XRCC4: variants seen among roughly 807,000 people sequenced by gnomAD.
The protein encoded by XRCC4 is DNA repair protein XRCC4.
XRCC4 carries 28 observed loss-of-function variants against 39.1 expected under a neutral mutation model. That is an observed-to-expected ratio of 0.72 (90% confidence interval 0.53 to 0.98). XRCC4 has a LOEUF of 0.98. Among genes scored for constraint, XRCC4 ranks in the 50% least tolerant of loss-of-function variants. The pLI is 0.00. For synonymous variants in XRCC4, 123 were observed against 126.4 expected (o/e 0.97, Z 0.18); for missense variants, 350 against 376.4 (o/e 0.93, Z 0.58).
intron 3 of XRCC4, 99 bp downstream of exon 3, chr5:83,111,302 A>G (rs1484263615): frequency 4.2e-6 from 4 of 945,686 alleles, no homozygotes; most frequent in Non-Finnish European, 5.8e-6. Flanking sequence ...TTCCCAGAAC[A>G]CCTCAGAAGC....
intron 4 of XRCC4, among the ~76,000 whole-genome samples, chr5:83,198,729 A>G (rs912913125): frequency 6.6e-6 from 1 of 152,178 alleles, no homozygotes; most frequent in African/African-American, 2.4e-5. Flanking sequence ...CAGCATAAGT[A>G]AAAAGTGTGA....
chr5:83,235,915 T>G (rs1752671161), intron 6 of XRCC4, among the ~76,000 whole-genome samples: 2 of 152,096 alleles, frequency 1.3e-5, no homozygotes, highest in Admixed American at 6.6e-5. Context: ...AATATATTTA[T>G]ATGTTAACAG....
chr5:83,300,277 A>G (rs1051091931), intron 7 of XRCC4, among the ~76,000 whole-genome samples: 3 of 152,078 alleles, frequency 2.0e-5, no homozygotes, highest in Non-Finnish European at 2.9e-5. Flanking sequence ...CAAGTCTGTA[A>G]AAATACCTCA....
chr5:83,172,214 C>T (rs565389158), intron 3 of XRCC4, among the ~76,000 whole-genome samples: 2 of 152,204 alleles, frequency 1.3e-5, no homozygotes, highest in South Asian at 4.2e-4. Context: ...CTGAACTACA[C>T]TGAGAGAAAA....
At chr5:83,362,015 C>G in the XRCC4 span, among the ~76,000 whole-genome samples, 1 of 152,046 alleles carries the variant, frequency 6.6e-6, no homozygotes, top group Non-Finnish European at 1.5e-5. Flanking sequence ...ACTTAGCTGC[C>G]TCTTTCTTTT....
intron 6 of XRCC4, 138 bp downstream of exon 6, chr5:83,205,059 C>A: frequency 3.4e-6 from 2 of 594,974 alleles, no homozygotes; most frequent in Non-Finnish European, 5.6e-6. Context: ...ATTTTAAAAA[C>A]TCAAATTTTT....
At chr5:83,327,111 T>G (rs1443217381) in intron 7 of XRCC4, among the ~76,000 whole-genome samples, 1 of 152,092 alleles carries the variant, frequency 6.6e-6, no homozygotes, top group African/African-American at 2.4e-5. Flanking sequence ...TTCTTAGGTG[T>G]ATAGTTCTGT....
intron 7 of XRCC4, among the ~76,000 whole-genome samples, chr5:83,300,408 A>T (rs930638453): frequency 4.6e-5 from 7 of 152,106 alleles, no homozygotes; most frequent in Non-Finnish European, 8.8e-5. Flanking sequence ...CTTTTATATA[A>T]TTGGATGCAA....
At chr5:83,358,766 C>A (rs564942310), downstream of XRCC4, among the ~76,000 whole-genome samples, 1 of 152,312 alleles carries the variant, frequency 6.6e-6, no homozygotes, top group East Asian at 1.9e-4. Context: ...TAAACAATTT[C>A]TATAAAACCT....
intron 7 of XRCC4, among the ~76,000 whole-genome samples, chr5:83,266,461 GA>G (rs372089243): frequency 7.1e-4 from 108 of 151,504 alleles, no homozygotes; most frequent in African/African-American, 2.5e-3. Context: ...AAGAAGATAT[GA>G]ACCCCCAAAG....
intron 7 of XRCC4, among the ~76,000 whole-genome samples, chr5:83,338,717 CAGAGT>C (rs1756665619): frequency 6.6e-6 from 1 of 152,038 alleles, no homozygotes; most frequent in African/African-American, 2.4e-5. Context: ...AACATCAGTT[CAGAGT>C]AAAGTCCTGA....
chr5:83,206,819 A>T (rs1046351103), intron 6 of XRCC4, among the ~76,000 whole-genome samples: 1 of 152,090 alleles, frequency 6.6e-6, no homozygotes, highest in Non-Finnish European at 1.5e-5. Context: ...AGGGACAAGT[A>T]GTAGATTAGT....
chr5:83,138,376 G>C (rs1024605486), intron 3 of XRCC4, among the ~76,000 whole-genome samples: 1 of 151,962 alleles, frequency 6.6e-6, no homozygotes, highest in East Asian at 1.9e-4. Context: ...GGAGTGGCTT[G>C]GGTCTTCCTT....
At chr5:83,173,204 A>G (rs1365063365) in intron 3 of XRCC4, among the ~76,000 whole-genome samples, 1 of 152,164 alleles carries the variant, frequency 6.6e-6, no homozygotes, top group African/African-American at 2.4e-5. Flanking sequence ...CACAGATTCA[A>G]TAAAGCTGAA....
intron 7 of XRCC4, 135 bp downstream of exon 7, chr5:83,258,812 T>C: frequency 9.2e-7 from 1 of 1,082,070 alleles, no homozygotes; most frequent in Non-Finnish European, 1.3e-6. Flanking sequence ...AATTGTAAAA[T>C]GTTTGAATCA....
chr5:83,098,200 A>G (rs896821420), intron 1 of XRCC4, among the ~76,000 whole-genome samples: 4 of 152,132 alleles, frequency 2.6e-5, no homozygotes, highest in Non-Finnish European at 5.9e-5. Flanking sequence ...GACCTCAACC[A>G]AGAGGCCTTA....
chr5:83,143,304 A>G (rs1157258516), intron 3 of XRCC4, among the ~76,000 whole-genome samples: 2 of 152,154 alleles, frequency 1.3e-5, no homozygotes, highest in African/African-American at 4.8e-5. Context: ...TGAAAATACC[A>G]AAATGTGTAG....
intron 6 of XRCC4, among the ~76,000 whole-genome samples, chr5:83,253,085 A>G (rs527982921): frequency 1.3e-5 from 2 of 152,318 alleles, no homozygotes; most frequent in African/African-American, 2.4e-5. Context: ...GATGACTGAA[A>G]TGAGTTGAGC....
chr5:83,231,208 A>G (rs1282656831), intron 6 of XRCC4, among the ~76,000 whole-genome samples: 1 of 151,988 alleles, frequency 6.6e-6, no homozygotes, highest in African/African-American at 2.4e-5. Flanking sequence ...GAAGCTGTAT[A>G]TATGTGAAAG....
Sources: gnomAD v4.1 joint callset for allele counts (sites outside exome capture counted in the v4.1 genomes callset) on GRCh38, gnomAD v4.1.1 for gene constraint, MANE v1.5 for transcripts, NCBI Gene and HGNC (gene_info 2026-07-23, HGNC 2026-07-21) for gene names.